The following COL24A1 variants were observed in gnomAD, a reference collection of about 807,000 sequenced individuals.
COL24A1 encodes collagen type XXIV alpha 1 chain.
In COL24A1, 224 loss-of-function variants were observed where a neutral mutation model predicts 253.9. That is an observed-to-expected ratio of 0.88 (90% CI 0.79 to 0.99). The LOEUF (loss-of-function observed/expected upper bound fraction) is 0.99, where lower values mean the gene tolerates loss of function less well. Ranked by LOEUF, COL24A1 falls within the 50% of genes least tolerant of loss-of-function variation. COL24A1 has a pLI of 0.00. For missense variants in COL24A1, 2,131 were observed against 2,068.5 expected (o/e 1.03, Z -0.59); for synonymous variants, 685 against 673.7 (o/e 1.02, Z -0.26).
At chr1:85,968,849 T>A (rs575603438) in intron 22 of COL24A1, among the ~76,000 whole-genome samples, 1 of 152,282 alleles carries the variant, frequency 6.6e-6, no homozygotes, top group South Asian at 2.1e-4. Context: ...TTTCAGAATA[T>A]CAGTAACAGA....
intron 28 of COL24A1, among the ~76,000 whole-genome samples, chr1:85,899,915 G>A (rs2102833014): frequency 6.6e-6 from 1 of 152,230 alleles, no homozygotes; most frequent in Middle Eastern, 3.4e-3. Flanking sequence ...ACTGTACAAA[G>A]ACTGAACGAC....
intron 1 of COL24A1, 143 bp from the exon 2 acceptor site, chr1:86,146,326 C>T: frequency 1.6e-6 from 1 of 639,360 alleles, no homozygotes. Flanking sequence ...GTGGTTAAGA[C>T]CAAAGGCTCT....
intron 28 of COL24A1, among the ~76,000 whole-genome samples, chr1:85,906,441 G>A (rs1053553076): frequency 5.9e-5 from 9 of 151,528 alleles, no homozygotes; most frequent in Non-Finnish European, 1.3e-4. Context: ...GTATTGAATA[G>A]CATGGGCTTT....
intron 42 of COL24A1, among the ~76,000 whole-genome samples, chr1:85,839,029 G>A (rs1349258182): frequency 6.6e-6 from 1 of 151,976 alleles, no homozygotes; most frequent in Non-Finnish European, 1.5e-5. Flanking sequence ...GTGAGACCCT[G>A]TCTCTACAAA....
chr1:86,100,233 T>C (rs1421602957), intron 5 of COL24A1, among the ~76,000 whole-genome samples: 1 of 152,082 alleles, frequency 6.6e-6, no homozygotes, highest in Non-Finnish European at 1.5e-5. Flanking sequence ...TCAAGGCCTT[T>C]GGATTTAGTA....
In COL24A1 at chr1:85,939,009, TAGCGAAATGCCATCTC is replaced by T. The variant is rs533554078; in HGVS notation, c.2562+22224_2562+22239del. Among the ~76,000 whole-genome samples, 163 of 152,282 alleles carry T rather than the reference TAGCGAAATGCCATCTC, an allele frequency of 1.1e-3. 1 individual carries two copies. Among genetic ancestry groups the T allele is most frequent in the African/African-American group, 3.7e-3 (152 of 41,574 alleles). On this transcript the variant is annotated intron_variant, in intron 24 of 59. Coordinates refer to ENST00000370571, the MANE Select transcript of COL24A1 (RefSeq NM_152890.7). ...CTGTTGCTTCCTAATAAATACCCTG[TAGCGAAATGCCATCTC>T]AGCAGTTTGCCTCTAGAAAATCCAA...
At chr1:86,055,268 C>T (rs987271778) in intron 10 of COL24A1, among the ~76,000 whole-genome samples, 2 of 152,198 alleles carry the variant, frequency 1.3e-5, no homozygotes, top group African/African-American at 4.8e-5. Flanking sequence ...TGTAACAAAG[C>T]TGCACATATA....
chr1:85,797,877 A>G (rs186482668), intron 47 of COL24A1, among the ~76,000 whole-genome samples: 24 of 152,292 alleles, frequency 1.6e-4, no homozygotes, highest in African/African-American at 5.5e-4. Flanking sequence ...AGGCTAGACC[A>G]CGAAGAAACA....
chr1:85,918,545 A>T (rs1487587243), intron 24 of COL24A1, among the ~76,000 whole-genome samples: 2 of 152,164 alleles, frequency 1.3e-5, no homozygotes, highest in Non-Finnish European at 2.9e-5. Flanking sequence ...ATGCCAACAA[A>T]GGTTTATATC....
At chr1:85,952,109 G>A (rs1332529188) in intron 24 of COL24A1, among the ~76,000 whole-genome samples, 1 of 152,034 alleles carries the variant, frequency 6.6e-6, no homozygotes, top group African/African-American at 2.4e-5. Context: ...AACCTGATAG[G>A]AAATATAAGT....
At chr1:86,049,183 G>A (rs555653377) in intron 11 of COL24A1, among the ~76,000 whole-genome samples, 5 of 152,236 alleles carry the variant, frequency 3.3e-5, no homozygotes, top group African/African-American at 1.2e-4. Flanking sequence ...ATGTTCACCA[G>A]GGGAAAATCT....
chr1:85,988,407 A>G (rs577941266), intron 19 of COL24A1, among the ~76,000 whole-genome samples: 1 of 152,076 alleles, frequency 6.6e-6, no homozygotes, highest in Non-Finnish European at 1.5e-5. Context: ...TCACAGTGTT[A>G]AATACAATCT....
At chr1:86,106,837 T>C (rs936833652) in intron 5 of COL24A1, among the ~76,000 whole-genome samples, 1 of 152,222 alleles carries the variant, frequency 6.6e-6, no homozygotes, top group African/African-American at 2.4e-5. Context: ...ATCCCCATAG[T>C]CTTTCTCTAT....
At chr1:85,925,006 C>A (rs1463906093) in intron 24 of COL24A1, among the ~76,000 whole-genome samples, 2 of 152,174 alleles carry the variant, frequency 1.3e-5, no homozygotes, top group African/African-American at 4.8e-5. Flanking sequence ...GCAAATATCA[C>A]AAGCATTCCT....
At chr1:85,921,869 C>T (rs1161939676) in intron 24 of COL24A1, among the ~76,000 whole-genome samples, 5 of 152,042 alleles carry the variant, frequency 3.3e-5, no homozygotes, top group Non-Finnish European at 5.9e-5. Flanking sequence ...CAAACTTCTC[C>T]GAGCTAAAGG....
chr1:85,815,593 TATC>T (rs1672979658), intron 47 of COL24A1, among the ~76,000 whole-genome samples: 1 of 152,104 alleles, frequency 6.6e-6, no homozygotes, highest in African/African-American at 2.4e-5. Flanking sequence ...TTGGTTAAGT[TATC>T]ATTTCATTTT....
intron 3 of COL24A1, among the ~76,000 whole-genome samples, chr1:86,120,496 C>T (rs1199587450): frequency 6.6e-6 from 1 of 152,202 alleles, no homozygotes; most frequent in African/African-American, 2.4e-5. Context: ...TGAACAGACA[C>T]TTCTCAAAAG....
intron 20 of COL24A1, among the ~76,000 whole-genome samples, chr1:85,981,044 A>T (rs765163343): frequency 7.9e-5 from 12 of 152,262 alleles, no homozygotes; most frequent in Non-Finnish European, 1.3e-4. Context: ...ATGAATGGGC[A>T]GAATAAATAT....
rs566414078 is a variant in COL24A1 at position 85,988,660 on chromosome 1, C to T, written c.2311-1006G>A. ...AAGGCTGAAATTAAAACGTGAACATCCACAAGAAAAGGTAGTTCAGTGAAG... is the reference window on the plus strand; with the variant it reads ...AAGGCTGAAATTAAAACGTGAACATTCACAAGAAAAGGTAGTTCAGTGAAG... On this transcript the variant is annotated intron_variant, in intron 19 of 59. Coordinates refer to ENST00000370571, the MANE Select transcript of COL24A1 (RefSeq NM_152890.7). Among the ~76,000 whole-genome samples the T allele has an allele frequency of 7.2e-5, 11 of 152,024 alleles. No homozygotes were observed. In the East Asian group the frequency reaches 2.1e-3, roughly 29 times the overall value.
Sources: allele counts gnomAD v4.1 joint callset (sites outside exome capture counted in the v4.1 genomes callset), GRCh38; gene constraint gnomAD v4.1.1; transcripts MANE v1.5; gene names NCBI Gene and HGNC (gene_info 2026-07-23, HGNC 2026-07-21).